POLE: variants seen among roughly 807,000 people sequenced by gnomAD.
POLE encodes the protein DNA polymerase epsilon catalytic subunit A.
In POLE, 188 loss-of-function variants were observed where a neutral mutation model predicts 279.2. The observed-to-expected ratio is 0.67, with a 90% CI of 0.60 to 0.76. The LOEUF is 0.76. Ranked by LOEUF, POLE falls within the 30% of genes least tolerant of loss-of-function variation. POLE has a pLI of 0.00. For missense variants in POLE, 2,703 were observed against 3,016.7 expected, an observed-to-expected ratio of 0.90 and a Z score of 2.44; for synonymous variants, 1,214 against 1,172.5, an observed-to-expected ratio of 1.04 and a Z score of -0.72.
In POLE at chr12:132,676,562, T is replaced by C. The variant is rs2043057513; in HGVS notation, c.893A>G (p.Tyr298Cys). 1 of 1,612,362 alleles carries C rather than the reference T, an allele frequency of 6.2e-7. No homozygotes were observed. Among genetic ancestry groups the C allele is most frequent in the Non-Finnish European group, 8.5e-7 (1 of 1,178,492 alleles). The change falls in exon 9 of 49, where the codon TAC (tyrosine) becomes TGC (cysteine). Residue 298 changes from tyrosine to cysteine, a missense_variant. Transcript: ENST00000320574. ...AETDQIMMIS[Y>C]MIDGQGYLIT... The stretch of plus-strand genomic sequence containing the variant: ...CCTGCTCACCTGGCCATCGATCATG[T>C]AGGAAATCATCATAATCTGGTCTGT...
At chr12:132,644,022 A>G in intron 32 of POLE, 45 bp from the exon 33 acceptor site, 6 of 1,596,036 alleles carry the variant, frequency 3.8e-6, no homozygotes, top group Non-Finnish European at 5.1e-6. Context: ...CGTAAGTGGT[A>G]ATGTCTGTGG....
At chr12:132,687,086 G>A (rs1221767146) in intron 1 of POLE, among the ~76,000 whole-genome samples, 168 bp downstream of exon 1, 2 of 151,212 alleles carry the variant, frequency 1.3e-5, no homozygotes, top group East Asian at 1.9e-4. Context: ...CCCGCCCCGA[G>A]CCCCTCCGTC....
intron 29 of POLE, among the ~76,000 whole-genome samples, chr12:132,651,561 C>T (rs996151203): frequency 6.6e-6 from 1 of 152,238 alleles, no homozygotes; most frequent in African/African-American, 2.4e-5. Context: ...CCTGTGCAGG[C>T]AGCTCCCAAA....
rs1184319306 is a variant in POLE, at chr12:132,624,961, T to C, written c.6691A>G (p.Ser2231Gly). 6.8e-6 allele frequency: 11 copies of C among 1,614,060 alleles called. No homozygotes were observed. In the East Asian group the frequency reaches 1.6e-4, roughly 23 times the overall value. The change falls in exon 48 of 49, where the codon AGC becomes GGC. Residue 2231 changes from serine (S) to glycine (G), a missense_variant. Ser to Gly is a moderately conservative substitution (Grantham distance 56). Transcript: ENST00000320574. ...CLKCRGVKETSMPVYCSCAGD... is the reference protein window; with the variant it reads ...CLKCRGVKETGMPVYCSCAGD... ...GCGCAGCTGCAGTACACAGGCATGCTGGTCTCCTTCACCCCGCGGCACTTC... is the reference window on the plus strand; with the variant it reads ...GCGCAGCTGCAGTACACAGGCATGCCGGTCTCCTTCACCCCGCGGCACTTC...
rs765536104 is a variant in POLE, at chr12:132,659,502, T to C, written c.3068A>G (p.Asn1023Ser). Residue 1023 changes from asparagine (N) to serine (S), a missense_variant, in exon 26 of 49, where the codon AAC (asparagine) becomes AGC (serine). Transcript: ENST00000320574. ...WLDVLYSKAA[N>S]MPDSELFELI... ...CTCGAATAGCTCAGAGTCAGGCATG[T>C]TGGCTGCCTAGAGAAAGACAATGGG... 6.2e-7 allele frequency: 1 copy of C among 1,613,910 alleles called. No homozygotes were observed. The highest frequency in any genetic ancestry group is 1.1e-5 in the South Asian group (1 of 91,080).
rs760031526 is a variant in POLE, at chr12:132,667,524, G to A, written c.2298C>T (p.Tyr766=). 1.4e-5 allele frequency: 23 copies of A among 1,614,112 alleles called. No homozygotes were observed. Among genetic ancestry groups the A allele is most frequent in the South Asian group, 8.8e-5 (8 of 91,084 alleles). The part of the protein sequence containing the change: ...DTVRAFRDRR[Y]EFKGLHKVWK... ...TCACCTTGTGGAGCCCTTTGAACTCGTAACGCCTGTCCCGGAAGGCACGCA... is the reference window on the plus strand; with the variant it reads ...TCACCTTGTGGAGCCCTTTGAACTCATAACGCCTGTCCCGGAAGGCACGCA... Residue 766 remains tyrosine (Y), a synonymous_variant, in exon 20 of 49, where the codon TAC becomes TAT. Coordinates refer to ENST00000320574, the MANE Select transcript of POLE (RefSeq NM_006231.4).
intron 5 of POLE, 36 bp from the exon 6 acceptor site, chr12:132,679,687 A>G (rs775418462): frequency 6.3e-7 from 1 of 1,593,404 alleles, no homozygotes; most frequent in South Asian, 1.1e-5. Context: ...TTGGTTCAAG[A>G]GAAATAGGAC....
chr12:132,671,450 C>A (rs1343311349), intron 16 of POLE, among the ~76,000 whole-genome samples: 1 of 151,158 alleles, frequency 6.6e-6, no homozygotes, highest in African/African-American at 2.5e-5. Context: ...GCAGGCGGAT[C>A]ACAAGGTCAG....
In POLE at chr12:132,642,315, G is replaced by A. The variant is rs768244569; in HGVS notation, c.5035C>T (p.Arg1679Cys). The A allele has an allele frequency of 1.3e-5, 21 of 1,599,284 alleles. No individual in the cohort carries two copies. The highest frequency in any genetic ancestry group is 6.7e-5 in the East Asian group (3 of 44,728). The change falls in exon 38 of 49, where the codon CGC (arginine) becomes TGC (cysteine). Residue 1679 changes from arginine to cysteine, a missense_variant. This residue lies in a region of POLE where 1,551 missense variants were observed against 1,686.1 expected (regional missense o/e 0.92). Transcript: ENST00000320574. ...GACAGCCAGAGCAGGTGGTTGTGGCGCTGGAGGTGGCGGGCAAAGAAGAGG... is the reference window on the plus strand; with the variant it reads ...GACAGCCAGAGCAGGTGGTTGTGGCACTGGAGGTGGCGGGCAAAGAAGAGG... ...SDLFFARHLQ[R>C]HNHLLWLSPT...
At position 132,624,485 on chromosome 12, in the gene POLE, G is replaced by A. The variant is rs2138421054; in HGVS notation, c.*212C>T. The stretch of plus-strand genomic sequence containing the variant: ...GGCCTGCTTCTTCAGGTGCTCTGGC[G>A]AGGCCAGGGCCACATCCTGCTCCCG... On this transcript the variant is annotated 3_prime_UTR_variant, in exon 49 of 49. Coordinates refer to ENST00000320574, the MANE Select transcript of POLE (RefSeq NM_006231.4). 8.4e-6 allele frequency: 5 copies of A among 592,376 alleles called. No homozygotes were observed. The highest frequency in any genetic ancestry group is 4.0e-5 in the South Asian group (2 of 49,594). The allele number at this position is 592,376 out of a possible 1,614,324, so 36.7% of individuals were successfully genotyped here. A position where few individuals can be genotyped will look rare whatever the true frequency, so the allele number is the denominator to read the frequency against.
Position 132,673,469 on chromosome 12 carries a change from C to T in POLE, c.1359+106G>A, listed in dbSNP as rs1001611421. On this transcript the variant is annotated intron_variant, in intron 13 of 48. Coordinates refer to ENST00000320574, the MANE Select transcript of POLE (RefSeq NM_006231.4). ...GCGGGCTGGCATACATGCGTGCACA[C>T]GGCAGCAGGGGGAGCCGGGATGTGG... 3.4e-5 allele frequency: 51 copies of T among 1,515,720 alleles called. No homozygotes were observed. The African/African-American group carries it at 4.4e-4, about 13-fold the overall frequency. The allele number at this position is 1,515,720 out of a possible 1,614,324, so 93.9% of individuals were successfully genotyped here. A position where few individuals can be genotyped will look rare whatever the true frequency, so the allele number is the denominator to read the frequency against.
chr12:132,624,868 G>T, intron 48 of POLE, 37 bp downstream of exon 48: 1 of 1,595,206 alleles, frequency 6.3e-7, no homozygotes, highest in East Asian at 2.2e-5. Flanking sequence ...AGGCCAAGGA[G>T]GCCAGGCTGA....
intron 29 of POLE, among the ~76,000 whole-genome samples, chr12:132,654,748 C>T (rs1032572071): frequency 6.6e-6 from 1 of 152,106 alleles, no homozygotes; most frequent in African/African-American, 2.4e-5. Flanking sequence ...GCCATGACTG[C>T]GCCACTGTAC....
rs995921058 is a variant in POLE at position 132,632,423 on chromosome 12, G to A, written c.6222C>T (p.Val2074=). The change falls in exon 45 of 49, where the codon GTC becomes GTT. Residue 2074 remains valine (V), a synonymous_variant. Transcript: ENST00000320574. Reference sequence around the variant, plus strand: ...GCTCAGTGGAGTTCCGAGAGCCTGTGACTTTCTTCTGAATCTTCTGAGTGA... The same window carrying A: ...GCTCAGTGGAGTTCCGAGAGCCTGTAACTTTCTTCTGAATCTTCTGAGTGA... ...FTITQKIQKK[V]TGSRNSTELS... is the part of the protein sequence containing the mutation. 1.2e-6 allele frequency: 2 copies of A among 1,613,852 alleles called. No homozygotes were observed. Among genetic ancestry groups the A allele is most frequent in the African/African-American group, 1.3e-5 (1 of 74,922 alleles).
At position 132,667,494 on chromosome 12, in the gene POLE, A is replaced by T. The variant is rs2042822743; in HGVS notation, c.2319+9T>A. ...CAGAGGCCAAAGCTTGCAGCCCCTC[A>T]GAGCTCACCTTGTGGAGCCCTTTGA... On this transcript the variant is annotated intron_variant, in intron 20 of 48. Transcript: ENST00000320574. 1.2e-6 allele frequency: 2 copies of T among 1,613,768 alleles called. No homozygotes were observed. Among genetic ancestry groups the T allele is most frequent in the East Asian group, 2.2e-5 (1 of 44,890 alleles).
rs1064794641 is a variant in POLE at position 132,641,810 on chromosome 12, T to C, written c.5215A>G (p.Ile1739Val). ...TCGTTGACATGGTGAGACTGGAGAATGGTGTTGACGGCCAGGTTCTGAAGG... is the reference window on the plus strand; with the variant it reads ...TCGTTGACATGGTGAGACTGGAGAACGGTGTTGACGGCCAGGTTCTGAAGG... ...LDLQNLAVNT[I>V]LQSHHVNDME... The change falls in exon 39 of 49, where the codon ATT (isoleucine) becomes GTT (valine). Residue 1739 changes from isoleucine (I) to valine (V), a missense_variant. Transcript: ENST00000320574. 3.1e-6 allele frequency: 5 copies of C among 1,603,660 alleles called. No individual in the cohort carries two copies. Among genetic ancestry groups the C allele is most frequent in the Middle Eastern group, 1.7e-4 (1 of 6,036 alleles).
chr12:132,667,683 G>A (rs2135971731), intron 19 of POLE, 35 bp from the exon 20 acceptor site: 1 of 1,611,424 alleles, frequency 6.2e-7, no homozygotes, highest in Non-Finnish European at 8.5e-7. Context: ...GCAGGTGGGT[G>A]AGATCTCCCA....
chr12:132,634,000 T>G lies in POLE; in HGVS notation c.6004+186A>C. On this transcript the variant is annotated intron_variant, in intron 43 of 48. Transcript: ENST00000320574. The stretch of plus-strand genomic sequence containing the variant: ...AAGACAGTCACCCCTCTCCGGGCCC[T>G]CCAGTGGAACATGCCTGGAGCCTGG... 5.2e-6 allele frequency: 3 copies of G among 576,464 alleles called. No homozygotes were observed. In the South Asian group the frequency reaches 7.4e-5, roughly 14 times the overall value. The allele number at this position is 576,464 out of a possible 1,614,324, so 35.7% of individuals were successfully genotyped here. A position where few individuals can be genotyped will look rare whatever the true frequency, so the allele number is the denominator to read the frequency against.
intron 8 of POLE, among the ~76,000 whole-genome samples, chr12:132,676,983 C>T (rs2136017518): frequency 6.6e-6 from 1 of 152,312 alleles, no homozygotes; most frequent in Admixed American, 6.5e-5. Context: ...ATGATATCTT[C>T]ATTTCGGAAA....
Sources: allele counts gnomAD v4.1 joint callset (sites outside exome capture counted in the v4.1 genomes callset), GRCh38; gene constraint gnomAD v4.1.1; regional missense constraint gnomAD v4.1.1; transcripts MANE v1.5; gene names NCBI Gene and HGNC (gene_info 2026-07-23, HGNC 2026-07-21).